HOXA3: variants seen among roughly 807,000 people sequenced by gnomAD.
The protein encoded by HOXA3 is homeobox A3.
Under a neutral mutation model 30.3 loss-of-function variants are expected in HOXA3, and 8 were observed. The observed-to-expected ratio is 0.26, with a 90% confidence interval of 0.15 to 0.48. The LOEUF (loss-of-function observed/expected upper bound fraction) is 0.48. HOXA3 is among the 20% of genes least tolerant of loss of function. The pLI is 0.99. For synonymous variants in HOXA3, 323 were observed against 273.1 expected (o/e 1.18, Z -1.80); for missense variants, 653 against 614.4 (o/e 1.06, Z -0.66).
In HOXA3 at chr7:27,152,413, A is replaced by C. The variant is rs900774267; in HGVS notation, c.-619T>G. 85 of 1,159,084 alleles carry C rather than the reference A, an allele frequency of 7.3e-5. No homozygotes were observed. The highest frequency in any genetic ancestry group is 2.0e-4 in the Admixed American group (5 of 24,428). 71.8% of individuals were successfully genotyped at this position (1,159,084 alleles called of 1,614,324 possible). A position where few individuals can be genotyped will look rare whatever the true frequency, so the allele number is the denominator to read the frequency against. On this transcript the variant is annotated 5_prime_UTR_variant, in exon 1 of 6. Transcript: ENST00000612286. ...GAAATTAGCCAGGTTGCGAGTTGCA[A>C]AGCTGCTGCCGCGGCGCCGGGAACG...
At chr7:27,141,685 A>G in intron 1 of HOXA3, 1 of 943,690 alleles carries the variant, frequency 1.1e-6, no homozygotes, top group East Asian at 2.5e-5. Flanking sequence ...TATAATGGCA[A>G]TAAACAGGCT....
At chr7:27,133,058 A>G (rs1562724332) in intron 2 of HOXA3, among the ~76,000 whole-genome samples, 1 of 152,148 alleles carries the variant, frequency 6.6e-6, no homozygotes, top group Non-Finnish European at 1.5e-5. Context: ...GTGTGATTCT[A>G]TTACTTTAGG....
At chr7:27,145,418 C>T (rs1465972598) in intron 1 of HOXA3, 2 of 616,664 alleles carry the variant, frequency 3.2e-6, no homozygotes, top group East Asian at 2.9e-5. Context: ...GTGCGCCCCG[C>T]TCCACCGCTG....
At chr7:27,130,665 G>A in intron 2 of HOXA3, 2 of 1,606,560 alleles carry the variant, frequency 1.2e-6, no homozygotes, top group South Asian at 2.2e-5. Flanking sequence ...TGTGCTGCGC[G>A]TACTCCTCGA....
intron 1 of HOXA3, chr7:27,146,035 T>C: frequency 8.5e-7 from 1 of 1,174,450 alleles, no homozygotes; most frequent in Non-Finnish European, 1.2e-6. Flanking sequence ...CACTCCAGCC[T>C]CTCCCACTAT....
intron 2 of HOXA3, among the ~76,000 whole-genome samples, chr7:27,139,675 C>G (rs1361103914): frequency 6.6e-6 from 1 of 152,156 alleles, no homozygotes; most frequent in African/African-American, 2.4e-5. Context: ...GTCTCCCAGC[C>G]CCGACCCCAG....
At chr7:27,112,539 T>A (rs1051688289) in intron 4 of HOXA3, among the ~76,000 whole-genome samples, 2 of 152,228 alleles carry the variant, frequency 1.3e-5, no homozygotes, top group Admixed American at 6.5e-5. Context: ...GGAGCATTGT[T>A]TCTCTTTTGG....
Position 27,114,864 on chromosome 7 carries a change from ATATATATTATATAT to A in HOXA3, c.-120-4118_-120-4105del, listed in dbSNP as rs1784621103. Among the ~76,000 whole-genome samples the A allele has an allele frequency of 2.5e-5, 2 of 79,300 alleles. 1 individual carries two copies. The highest frequency in any genetic ancestry group is 4.9e-5 in the Non-Finnish European group (2 of 40,972). 52.0% of individuals were successfully genotyped at this position (79,300 alleles called of 152,430 possible). A position where few individuals can be genotyped will look rare whatever the true frequency, so the allele number is the denominator to read the frequency against. On this transcript the variant is annotated intron_variant, in intron 4 of 5. Coordinates refer to ENST00000612286, the MANE Select transcript of HOXA3 (RefSeq NM_153631.3). ...ATATATAATATATATTATATATATA[ATATATATTATATAT>A]ATGTATATACATATTTTCCTCATTA...
chr7:27,147,318 G>T, intron 1 of HOXA3: 1 of 1,613,628 alleles, frequency 6.2e-7, no homozygotes. Context: ...CCGCGCAGGA[G>T]TTCATCCGCT....
At chr7:27,119,910 CT>C (rs772295458) in intron 4 of HOXA3, among the ~76,000 whole-genome samples, 3 of 152,164 alleles carry the variant, frequency 2.0e-5, no homozygotes, top group Admixed American at 6.5e-5. Context: ...TCCATGTGAA[CT>C]TTTCCAGCTC....
intron 2 of HOXA3, chr7:27,130,686 C>T: frequency 1.2e-6 from 2 of 1,608,768 alleles, no homozygotes; most frequent in Non-Finnish European, 8.5e-7. Flanking sequence ...AGGGAGGGAA[C>T]TTGGGCTCGA....
intron 1 of HOXA3, chr7:27,143,256 C>T (rs1408614195): frequency 5.0e-6 from 8 of 1,608,454 alleles, no homozygotes; most frequent in Non-Finnish European, 6.8e-6. Context: ...GAGTTTTTCC[C>T]GCCGTGGTGG....
At position 27,126,705 on chromosome 7, in the gene HOXA3, C is replaced by T. The variant is rs73288583; in HGVS notation, c.-205+181G>A. On this transcript the variant is annotated intron_variant, in intron 3 of 5. Coordinates refer to ENST00000612286, the MANE Select transcript of HOXA3 (RefSeq NM_153631.3). ...ATCAATACAGTTGGGACAAAAATGC[C>T]ATCTTGTCCTGGAATATCAGAAAAA... 4.2e-3 allele frequency among the ~76,000 whole-genome samples: 640 copies of T among 152,232 alleles called. 6 individuals carry two copies. The highest frequency in any genetic ancestry group is 0.015 in the African/African-American group (621 of 41,522).
intron 1 of HOXA3, chr7:27,147,205 CCTTT>C (rs1214081002): frequency 5.1e-6 from 6 of 1,187,068 alleles, no homozygotes; most frequent in Admixed American, 2.4e-5. Flanking sequence ...GTTCTTTCAT[CCTTT>C]CTTTCTCTCT....
chr7:27,135,666 C>T (rs534668098), intron 2 of HOXA3, among the ~76,000 whole-genome samples: 20 of 152,278 alleles, frequency 1.3e-4, no homozygotes, highest in Middle Eastern at 3.4e-3. Flanking sequence ...GACAAAAAAC[C>T]GGCCAATCAG....
At position 27,113,227 on chromosome 7, in the gene HOXA3, T is replaced by C. The variant is rs371457149; in HGVS notation, c.-120-2467A>G. Among the ~76,000 whole-genome samples the C allele has an allele frequency of 1.6e-4, 25 of 152,258 alleles. 1 individual carries two copies. In the South Asian group the frequency reaches 5.2e-3, roughly 32 times the overall value. On this transcript the variant is annotated intron_variant, in intron 4 of 5. Transcript: ENST00000612286. The surrounding 1 kb of genome is among the most constrained non-coding windows in gnomAD (Gnocchi z 4.8). ...AGAGAGTTGAAGAGGCTAAATTGAG[T>C]GCAAGAAGCAAGCCCTATTGTCTCT...
At chr7:27,125,233 C>A (rs961009500) in intron 3 of HOXA3, among the ~76,000 whole-genome samples, 4 of 152,208 alleles carry the variant, frequency 2.6e-5, no homozygotes, top group African/African-American at 9.7e-5. Flanking sequence ...ACTTAAGGAA[C>A]GGTGGAGGGA....
intron 2 of HOXA3, chr7:27,130,901 C>T: frequency 1.4e-6 from 1 of 700,562 alleles, no homozygotes; most frequent in Non-Finnish European, 2.5e-6. Flanking sequence ...ACGCCGCCAC[C>T]AAAGTTCGAG....
intron 1 of HOXA3, chr7:27,145,443 T>G: frequency 4.7e-6 from 3 of 639,968 alleles, no homozygotes; most frequent in East Asian, 2.8e-5. Context: ...TGGCTGTGTG[T>G]GAGGTTTTGT....
Sources: allele counts gnomAD v4.1 joint callset (sites outside exome capture counted in the v4.1 genomes callset), GRCh38; gene constraint gnomAD v4.1.1; non-coding constraint Gnocchi (gnomAD v3.1); transcripts MANE v1.5; gene names NCBI Gene and HGNC (gene_info 2026-07-23, HGNC 2026-07-21).